Variants in MBNL1 observed in about 807,000 individuals in gnomAD.
MBNL1 encodes the protein muscleblind like splicing regulator 1.
In MBNL1, 8 loss-of-function variants were observed where a neutral mutation model predicts 42.2. That is an observed-to-expected ratio of 0.19 (90% CI 0.11 to 0.34). MBNL1 has a LOEUF of 0.34. Among genes scored for constraint, MBNL1 ranks in the 10% least tolerant of loss-of-function variants. The probability of loss-of-function intolerance (pLI) is 1.00; values close to 1 mark genes in which losing one functional copy is unlikely to be tolerated. For missense variants in MBNL1, 309 were observed against 495.3 expected, an observed-to-expected ratio of 0.62 and a Z score of 3.57; for synonymous variants, 169 against 173.9, an observed-to-expected ratio of 0.97 and a Z score of 0.22.
chr3:152,264,441 C>A (rs1360932303), upstream of MBNL1: 2 of 152,042 alleles, frequency 1.3e-5, no homozygotes, highest in Non-Finnish European at 2.9e-5. Flanking sequence ...CATGTAGCAC[C>A]TCCTTACATT....
At chr3:152,326,893 C>T (rs1177402085) in intron 2 of MBNL1, among the ~76,000 whole-genome samples, 1 of 151,776 alleles carries the variant, frequency 6.6e-6, no homozygotes, top group Non-Finnish European at 1.5e-5. Flanking sequence ...ACGTCTGCCT[C>T]CTGGGTTCAA....
chr3:152,286,325 TTTAA>T (rs1317424288), intron 1 of MBNL1, among the ~76,000 whole-genome samples: 2 of 143,692 alleles, frequency 1.4e-5, no homozygotes, highest in South Asian at 4.2e-4. Context: ...AATACAAATA[TTTAA>T]TTATATTTTA....
At chr3:152,406,785 T>A (rs768730834) in intron 2 of MBNL1, among the ~76,000 whole-genome samples, 9 of 152,052 alleles carry the variant, frequency 5.9e-5, no homozygotes, top group African/African-American at 2.2e-4. Flanking sequence ...AACTTAGGAG[T>A]GTTCTACAAA....
chr3:152,407,750 C>T (rs1197504513), intron 2 of MBNL1, among the ~76,000 whole-genome samples: 1 of 152,082 alleles, frequency 6.6e-6, no homozygotes, highest in Non-Finnish European at 1.5e-5. Context: ...CAATGATAGA[C>T]TGGATAGAGA....
intron 2 of MBNL1, among the ~76,000 whole-genome samples, chr3:152,312,536 T>C (rs2067388987): frequency 6.6e-6 from 1 of 152,254 alleles, no homozygotes; most frequent in Admixed American, 6.5e-5. Context: ...ACTCCATAAA[T>C]GGTAGCCATT....
chr3:152,326,402 A>G (rs1257146448), intron 2 of MBNL1, among the ~76,000 whole-genome samples: 13 of 152,184 alleles, frequency 8.5e-5, no homozygotes, highest in Admixed American at 7.2e-4. Context: ...GCTTTTAATG[A>G]TGCTGCAATC....
intron 2 of MBNL1, among the ~76,000 whole-genome samples, chr3:152,254,363 A>C (rs915695628): frequency 1.3e-5 from 2 of 151,996 alleles, no homozygotes; most frequent in African/African-American, 2.4e-5. Flanking sequence ...ACACCTCTGC[A>C]TTTCTTGCCC....
At chr3:152,337,767 TTCTTC>T (rs1322070415) in intron 2 of MBNL1, among the ~76,000 whole-genome samples, 5 of 152,234 alleles carry the variant, frequency 3.3e-5, no homozygotes, top group African/African-American at 9.6e-5. Context: ...CTTCTTTGTA[TTCTTC>T]TCTTATCTCA....
Position 152,463,683 on chromosome 3 carries a change from A to G in MBNL1, c.*1317A>G, listed in dbSNP as rs1748770290. The G allele has an allele frequency of 6.6e-6, 1 of 152,398 alleles. No individual in the cohort carries two copies. Among genetic ancestry groups the G allele is most frequent in the Non-Finnish European group, 1.5e-5 (1 of 67,930 alleles). The allele number at this position is 152,398 out of a possible 1,614,324, so 9.4% of individuals were successfully genotyped here. ...TGCTTATAGCCTTAGAAAGCCTTTT[A>G]CAAAATTAAAAAAAAAATAGATGTG... On this transcript the variant is annotated 3_prime_UTR_variant, in exon 10 of 10. Transcript: ENST00000324210.
In MBNL1 at chr3:152,405,346, A is replaced by G. The variant is rs535030376; in HGVS notation, c.175-9595A>G. 3.9e-5 allele frequency among the ~76,000 whole-genome samples: 6 copies of G among 152,312 alleles called. No homozygotes were observed. In the East Asian group the frequency reaches 1.2e-3, roughly 29 times the overall value. ...TACTTAAGTATTCAGAAAAACTGAA[A>G]TGTTACAAACAACCCTTCCCAGTAA... On this transcript the variant is annotated intron_variant, in intron 2 of 9. Transcript: ENST00000324210.
chr3:152,297,415 C>T (rs1337436244), intron 1 of MBNL1, among the ~76,000 whole-genome samples: 1 of 149,394 alleles, frequency 6.7e-6, no homozygotes, highest in Admixed American at 6.7e-5. Context: ...GCAATCTCGG[C>T]TCACTGCAAC....
chr3:152,291,452 A>T (rs1234197390), intron 1 of MBNL1, among the ~76,000 whole-genome samples: 2 of 152,172 alleles, frequency 1.3e-5, no homozygotes, highest in Non-Finnish European at 2.9e-5. Flanking sequence ...GTGACGTTTG[A>T]TGCTGGTTTC....
chr3:152,434,164 A>G (rs572332807), intron 4 of MBNL1, among the ~76,000 whole-genome samples: 1 of 152,278 alleles, frequency 6.6e-6, no homozygotes, highest in African/African-American at 2.4e-5. Flanking sequence ...AATAAGCGCA[A>G]TACCCAATAG....
At position 152,409,478 on chromosome 3, in the gene MBNL1, A is replaced by G. The variant is rs1009203845; in HGVS notation, c.175-5463A>G. 3.9e-4 allele frequency among the ~76,000 whole-genome samples: 59 copies of G among 152,072 alleles called. No homozygotes were observed. In the South Asian group the frequency reaches 0.012, roughly 32 times the overall value. On this transcript the variant is annotated intron_variant, in intron 2 of 9. Transcript: ENST00000324210. ...ATCATCTTAGCTGAAAAAAAAAAAA[A>G]TGGTAAGAATTTTCAATAGCTAACT... is the stretch of plus-strand genomic sequence containing the variant.
At chr3:152,434,680 T>A (rs1402390192) in intron 4 of MBNL1, among the ~76,000 whole-genome samples, 1 of 152,244 alleles carries the variant, frequency 6.6e-6, no homozygotes, top group Non-Finnish European at 1.5e-5. Context: ...TGTATAATTG[T>A]TTCTTTTTCT....
intron 4 of MBNL1, 68 bp from the exon 5 acceptor site, chr3:152,445,214 G>T: frequency 1.4e-6 from 2 of 1,442,094 alleles, no homozygotes; most frequent in Non-Finnish European, 9.5e-7. Context: ...TGCACTTTAA[G>T]TTAAAATCTT....
At chr3:152,260,059 C>T (rs2036005720) in intron 2 of MBNL1, among the ~76,000 whole-genome samples, 1 of 152,078 alleles carries the variant, frequency 6.6e-6, no homozygotes, top group Admixed American at 6.6e-5. Context: ...ACCATGTAGC[C>T]TCAGACTCTA....
intron 1 of MBNL1, among the ~76,000 whole-genome samples, chr3:152,298,465 C>G (rs1460582055): frequency 6.6e-6 from 1 of 152,190 alleles, no homozygotes; most frequent in African/African-American, 2.4e-5. Context: ...TCACGCTGCT[C>G]AAATCAAATT....
At chr3:152,363,992 C>T (rs2096186785) in intron 2 of MBNL1, among the ~76,000 whole-genome samples, 1 of 152,106 alleles carries the variant, frequency 6.6e-6, no homozygotes, top group Non-Finnish European at 1.5e-5. Context: ...CAGCTGATAA[C>T]CTGTGTTGAT....
Sources: allele counts gnomAD v4.1 joint callset (sites outside exome capture counted in the v4.1 genomes callset), GRCh38; gene constraint gnomAD v4.1.1; transcripts MANE v1.5; gene names NCBI Gene and HGNC (gene_info 2026-07-23, HGNC 2026-07-21).